Variants in TRABD2B observed in about 807,000 individuals in gnomAD.
TRABD2B encodes the protein metalloprotease TIKI2.
A neutral mutation model predicts 40.1 loss-of-function variants in TRABD2B; 14 were observed. The ratio of observed to expected loss-of-function variants is 0.35; its 90% CI spans 0.23 to 0.55. TRABD2B has a LOEUF of 0.55. Among genes scored for constraint, TRABD2B ranks in the 20% least tolerant of loss-of-function variants. TRABD2B has a pLI of 0.90. For synonymous variants in TRABD2B, 263 were observed against 277.0 expected (o/e 0.95, Z 0.50); for missense variants, 541 against 648.6 (o/e 0.83, Z 1.80).
At chr1:47,983,610 C>G (rs1375457990) in intron 2 of TRABD2B, among the ~76,000 whole-genome samples, 1 of 152,090 alleles carries the variant, frequency 6.6e-6, no homozygotes, top group Non-Finnish European at 1.5e-5. Flanking sequence ...CAACTCGGCC[C>G]CAATACAGGG....
At chr1:47,861,833 T>C (rs1296983941) in intron 2 of TRABD2B, among the ~76,000 whole-genome samples, 1 of 152,090 alleles carries the variant, frequency 6.6e-6, no homozygotes, top group East Asian at 1.9e-4. Flanking sequence ...CAGACCAATA[T>C]TTTTCATGAA....
chr1:47,884,702 A>G (rs932696339), intron 2 of TRABD2B, among the ~76,000 whole-genome samples: 3 of 151,626 alleles, frequency 2.0e-5, no homozygotes, highest in Non-Finnish European at 4.4e-5. Flanking sequence ...CAACCTCTCT[A>G]CCTCCCAGGT....
chr1:47,839,989 C>T (rs1298983734), intron 2 of TRABD2B, among the ~76,000 whole-genome samples: 2 of 152,142 alleles, frequency 1.3e-5, no homozygotes, highest in East Asian at 1.9e-4. Context: ...GTAGTGTGGA[C>T]ATCTCCCCTG....
At chr1:47,929,628 C>T (rs1645013338) in intron 2 of TRABD2B, among the ~76,000 whole-genome samples, 1 of 152,194 alleles carries the variant, frequency 6.6e-6, no homozygotes, top group Non-Finnish European at 1.5e-5. Context: ...CACAAAACTG[C>T]CCTCATCTGG....
chr1:47,994,412 G>T lies in TRABD2B; in HGVS notation c.288C>A (p.Ala96=). ...LDLTDPYTIS[A]LASCQLLPHG... is the part of the protein sequence containing the mutation. ...GCGGCAGCAGCTGGCAGCTGGCCAGGGCCGAGATGGTGTAGGGGTCTGTAA... is the reference window on the plus strand; with the variant it reads ...GCGGCAGCAGCTGGCAGCTGGCCAGTGCCGAGATGGTGTAGGGGTCTGTAA... The change falls in exon 2 of 7, where the codon GCC becomes GCA. Residue 96 remains alanine, a synonymous_variant. Coordinates refer to ENST00000606738, the MANE Select transcript of TRABD2B (RefSeq NM_001194986.2). This position sits in a 1 kb window ranked among gnomAD's most constrained non-coding sequence, Gnocchi z 6.7. 1 of 1,536,154 alleles carries T rather than the reference G, an allele frequency of 6.5e-7. No homozygotes were observed. The highest frequency in any genetic ancestry group is 1.4e-5 in the African/African-American group (1 of 73,180).
chr1:47,976,376 T>C (rs1164935485), intron 2 of TRABD2B, among the ~76,000 whole-genome samples: 2 of 152,036 alleles, frequency 1.3e-5, no homozygotes, highest in Non-Finnish European at 2.9e-5. Context: ...TCAGCATTTA[T>C]CTCTCTCTGA....
chr1:47,861,082 C>T (rs796611491), intron 2 of TRABD2B, among the ~76,000 whole-genome samples: 5 of 152,252 alleles, frequency 3.3e-5, no homozygotes, highest in African/African-American at 1.2e-4. Flanking sequence ...GAGATGAAAA[C>T]CAGAGATGTT....
At chr1:47,959,820 C>A (rs549069297) in intron 2 of TRABD2B, among the ~76,000 whole-genome samples, 2 of 152,246 alleles carry the variant, frequency 1.3e-5, no homozygotes, top group East Asian at 3.9e-4. Flanking sequence ...TGAAACTACT[C>A]CAATCAATAG....
chr1:47,902,067 C>T (rs765830741), intron 2 of TRABD2B, among the ~76,000 whole-genome samples: 13 of 152,148 alleles, frequency 8.5e-5, no homozygotes, highest in Non-Finnish European at 1.6e-4. Context: ...CACAGTTGCC[C>T]CAGTGTTTAC....
chr1:47,849,039 C>A (rs1174966504), intron 2 of TRABD2B, among the ~76,000 whole-genome samples: 1 of 152,172 alleles, frequency 6.6e-6, no homozygotes, highest in Non-Finnish European at 1.5e-5. Context: ...TCTGCAGCAG[C>A]CTTTCAGTCT....
At chr1:47,804,539 G>A (rs2124302938) in intron 2 of TRABD2B, among the ~76,000 whole-genome samples, 1 of 152,306 alleles carries the variant, frequency 6.6e-6, no homozygotes, top group Admixed American at 6.5e-5. Flanking sequence ...CATCGGCCCA[G>A]GCACCCAGAA....
Position 47,968,707 on chromosome 1 carries a change from G to T in TRABD2B, c.666+25327C>A, listed in dbSNP as rs544731986. On this transcript the variant is annotated intron_variant, in intron 2 of 6. Transcript: ENST00000606738. ...CAAGACTAGCTCTGGGGTGGGCGTG[G>T]CACTTCAAGAGCCTTTTCACCCTGT... Among the ~76,000 whole-genome samples, 5 of 152,276 alleles carry T rather than the reference G, an allele frequency of 3.3e-5. No homozygotes were observed. In the South Asian group the frequency reaches 1.0e-3, roughly 32 times the overall value.
chr1:47,875,242 T>C lies in TRABD2B; in HGVS notation c.667-73623A>G, dbSNP rs115789212. 5.8e-3 allele frequency among the ~76,000 whole-genome samples: 883 copies of C among 151,930 alleles called. 6 individuals are homozygous for C. Among genetic ancestry groups the C allele is most frequent in the African/African-American group, 0.02 (828 of 41,362 alleles). On this transcript the variant is annotated intron_variant, in intron 2 of 6. Coordinates refer to ENST00000606738, the MANE Select transcript of TRABD2B (RefSeq NM_001194986.2). Reference sequence around the variant, plus strand: ...CATGTTAGCACTCCATGGAGACTTCTTCCTGAGTACAGTGGAAGACTGAAA... The same window carrying C: ...CATGTTAGCACTCCATGGAGACTTCCTCCTGAGTACAGTGGAAGACTGAAA...
chr1:47,794,791 T>TA (rs1491164952), intron 3 of TRABD2B, 31 bp from the exon 4 acceptor site: 39 of 229,978 alleles, frequency 1.7e-4, no homozygotes, highest in Non-Finnish European at 2.0e-4. Flanking sequence ...CTGCCTTCAG[T>TA]TTTTTTTTTT....
intron 2 of TRABD2B, among the ~76,000 whole-genome samples, chr1:47,801,973 A>G (rs942668968): frequency 2.0e-5 from 3 of 152,190 alleles, no homozygotes; most frequent in African/African-American, 7.2e-5. Context: ...TGTGCTTAAA[A>G]GTGCATGAAT....
At chr1:47,789,480 G>A (rs1644641416) in intron 4 of TRABD2B, among the ~76,000 whole-genome samples, 1 of 152,148 alleles carries the variant, frequency 6.6e-6, no homozygotes, top group Admixed American at 6.5e-5. Flanking sequence ...TTCCAGGCAG[G>A]TGCTACCAAT....
chr1:47,770,037 G>C (rs1644358405), intron 6 of TRABD2B, among the ~76,000 whole-genome samples: 1 of 152,170 alleles, frequency 6.6e-6, no homozygotes, highest in Non-Finnish European at 1.5e-5. Flanking sequence ...CCTGGAGCAG[G>C]GGTGGGTCTT....
At chr1:47,910,191 G>A (rs59433088) in intron 2 of TRABD2B, among the ~76,000 whole-genome samples, 22,471 of 151,958 alleles carry the variant, frequency 0.15, 1,903 homozygotes, top group East Asian at 0.36. Flanking sequence ...ATTTGGTGGG[G>A]ACAAGCATCC....
chr1:47,923,973 C>T (rs1644938674), intron 2 of TRABD2B, among the ~76,000 whole-genome samples: 1 of 138,632 alleles, frequency 7.2e-6, no homozygotes, highest in African/African-American at 2.7e-5. Flanking sequence ...CACACACATC[C>T]TATTAGTTCT....
Sources: allele counts gnomAD v4.1 joint callset (sites outside exome capture counted in the v4.1 genomes callset), GRCh38; gene constraint gnomAD v4.1.1; non-coding constraint Gnocchi (gnomAD v3.1); transcripts MANE v1.5; gene names NCBI Gene and HGNC (gene_info 2026-07-23, HGNC 2026-07-21).